The following ZAP70 variants were observed in gnomAD, a reference collection of about 807,000 sequenced individuals.
The protein encoded by ZAP70 is tyrosine-protein kinase ZAP-70.
A neutral mutation model predicts 65.8 loss-of-function variants in ZAP70; 27 were observed. That is an observed-to-expected ratio of 0.41 (90% CI 0.30 to 0.57). The LOEUF is 0.57. ZAP70 is among the 20% of genes least tolerant of loss of function. ZAP70 has a pLI of 0.28. For synonymous variants in ZAP70, 363 were observed against 360.8 expected, an observed-to-expected ratio of 1.01 and a Z score of -0.07; for missense variants, 696 against 870.5, an observed-to-expected ratio of 0.80 and a Z score of 2.52.
the ZAP70 span, among the ~76,000 whole-genome samples, chr2:97,749,363 C>G: frequency 6.6e-6 from 1 of 152,156 alleles, no homozygotes; most frequent in African/African-American, 2.4e-5. Context: ...AGTGCGCTGT[C>G]TGTGTGGGAA....
intron 2 of ZAP70, among the ~76,000 whole-genome samples, chr2:97,721,971 G>A (rs1677179315): frequency 6.6e-6 from 1 of 151,834 alleles, no homozygotes; most frequent in Non-Finnish European, 1.5e-5. Context: ...TTTTAGTAGA[G>A]ACGGGGTTTC....
intron 2 of ZAP70, among the ~76,000 whole-genome samples, chr2:97,718,326 G>A (rs558566982): frequency 1.1e-4 from 16 of 152,284 alleles, no homozygotes; most frequent in East Asian, 1.9e-4. Flanking sequence ...CAGACACTCC[G>A]GCTAGCCGCT....
intron 8 of ZAP70, 40 bp downstream of exon 8, chr2:97,733,635 C>G (rs1677715730): frequency 1.2e-6 from 2 of 1,610,722 alleles, no homozygotes; most frequent in East Asian, 4.5e-5. Flanking sequence ...GGGGCTCATG[C>G]TGAGCCGAGA....
At chr2:97,740,217 C>G (rs566099122), downstream of ZAP70, among the ~76,000 whole-genome samples, 21 of 152,058 alleles carry the variant, frequency 1.4e-4, no homozygotes, top group Non-Finnish European at 2.8e-4. Context: ...TTCACCCCCC[C>G]AGGGGTGCCT....
At chr2:97,750,465 A>T in the ZAP70 span, among the ~76,000 whole-genome samples, 12 of 152,206 alleles carry the variant, frequency 7.9e-5, no homozygotes, top group Non-Finnish European at 1.5e-4. Flanking sequence ...ACCAGAGTTA[A>T]CAGTTTTTTC....
the ZAP70 span, among the ~76,000 whole-genome samples, chr2:97,745,352 A>G: frequency 6.6e-6 from 1 of 152,224 alleles, no homozygotes; most frequent in Non-Finnish European, 1.5e-5. Context: ...AAACCTTTTA[A>G]TTTTTAAATT....
rs1021004001 is a variant in ZAP70, at chr2:97,736,592, G to A, written c.1290-881G>A. 6.6e-6 allele frequency among the ~76,000 whole-genome samples: 1 copy of A among 152,222 alleles called. No homozygotes were observed. The highest frequency in any genetic ancestry group is 1.5e-5 in the Non-Finnish European group (1 of 68,032). On this transcript the variant is annotated intron_variant, in intron 10 of 13. Transcript: ENST00000264972. The surrounding 1 kb of genome is among the most constrained non-coding windows in gnomAD (Gnocchi z 4.0). ...AATCTAGAGCATGTGGGAAGATAGTGTGGTGGGCACAAGCCTGCCGCAGCT... is the reference window on the plus strand; with the variant it reads ...AATCTAGAGCATGTGGGAAGATAGTATGGTGGGCACAAGCCTGCCGCAGCT...
At chr2:97,726,662 G>A (rs1012770809) in intron 4 of ZAP70, among the ~76,000 whole-genome samples, 3 of 152,240 alleles carry the variant, frequency 2.0e-5, no homozygotes, top group African/African-American at 7.2e-5. Context: ...CCAAGATTCT[G>A]TTGTGGGCTG....
At chr2:97,733,390 A>T in intron 7 of ZAP70, 47 bp downstream of exon 7, 1 of 1,590,340 alleles carries the variant, frequency 6.3e-7, no homozygotes, top group South Asian at 1.1e-5. Flanking sequence ...GGAGCTGGGG[A>T]GTGGCTGTGG....
At chr2:97,725,287 T>C (rs1035249780) in intron 4 of ZAP70, 35 bp downstream of exon 4, 1 of 1,605,342 alleles carries the variant, frequency 6.2e-7, no homozygotes, top group Non-Finnish European at 8.5e-7. Flanking sequence ...GCGGTGAGGA[T>C]TGGGGCTCGT....
At chr2:97,727,279 C>T (rs180816405) in intron 4 of ZAP70, among the ~76,000 whole-genome samples, 4 of 152,320 alleles carry the variant, frequency 2.6e-5, no homozygotes, top group South Asian at 2.1e-4. Context: ...AACGGTTGGT[C>T]GTAGGATTGG....
intron 13 of ZAP70, 86 bp downstream of exon 13, chr2:97,738,193 C>T (rs1677991207): frequency 7.7e-7 from 1 of 1,296,270 alleles, no homozygotes; most frequent in African/African-American, 1.5e-5. Context: ...ATAACTCTAC[C>T]CAATGTCATC....
intron 2 of ZAP70, among the ~76,000 whole-genome samples, chr2:97,723,738 G>C: frequency 6.6e-6 from 1 of 152,242 alleles, no homozygotes; most frequent in East Asian, 1.9e-4. Flanking sequence ...ATGAAGAGAT[G>C]GGTACAGGTG....
At chr2:97,738,431 C>T (rs1678001505) in intron 13 of ZAP70, 1 of 409,982 alleles carries the variant, frequency 2.4e-6, no homozygotes, top group Admixed American at 3.6e-5. Context: ...GACACTGACA[C>T]TCAGGGCATG....
At chr2:97,733,097 C>T (rs1288121941) in intron 5 of ZAP70, 28 bp from the exon 6 acceptor site, 16 of 1,613,902 alleles carry the variant, frequency 9.9e-6, no homozygotes, top group African/African-American at 4.0e-5. Flanking sequence ...GGAGAGGAGC[C>T]TCTCTGCTAG....
Position 97,724,370 on chromosome 2 carries a change from C to T in ZAP70, c.334C>T (p.Pro112Ser). Residue 112 changes from proline (P) to serine (S), a missense_variant, in exon 3 of 14, where the codon CCG (proline) becomes TCG (serine). By Grantham distance (74) the Pro-to-Ser change is moderately conservative. Transcript: ENST00000264972. Reference protein sequence around the residue: ...CNRPSGLEPQPGVFDCLRDAM... With the variant: ...CNRPSGLEPQSGVFDCLRDAM... ...CCGGCCGTCGGGCCTCGAGCCGCAG[C>T]CGGGGGTCTTCGACTGCCTGCGAGA... 3.2e-6 allele frequency: 5 copies of T among 1,545,668 alleles called. No individual in the cohort carries two copies. The highest frequency in any genetic ancestry group is 4.4e-6 in the Non-Finnish European group (5 of 1,145,656).
Position 97,724,302 on chromosome 2 carries a change from G to A in ZAP70, c.266G>A (p.Arg89His), listed in dbSNP as rs1332610325. 2.5e-6 allele frequency: 4 copies of A among 1,592,062 alleles called. No individual in the cohort carries two copies. Among genetic ancestry groups the A allele is most frequent in the South Asian group, 1.1e-5 (1 of 90,046 alleles). ...GPAELCEFYS[R>H]DPDGLPCNLR... ...GCAGAGCTCTGCGAGTTCTACTCGCGCGACCCCGACGGGCTGCCCTGCAAC... is the reference window on the plus strand; with the variant it reads ...GCAGAGCTCTGCGAGTTCTACTCGCACGACCCCGACGGGCTGCCCTGCAAC... Residue 89 changes from arginine to histidine, a missense_variant, in exon 3 of 14, where the codon CGC becomes CAC. Transcript: ENST00000264972.
chr2:97,743,146 C>G (rs2104717094), downstream of ZAP70, among the ~76,000 whole-genome samples: 1 of 152,334 alleles, frequency 6.6e-6, no homozygotes, highest in South Asian at 2.1e-4. Flanking sequence ...TCCTCGGAAC[C>G]AAACTCCTGA....
In ZAP70 at chr2:97,727,639, G is replaced by A. The variant is rs532615556; in HGVS notation, c.563+2387G>A. The stretch of plus-strand genomic sequence containing the variant: ...AAGGCTCTAAACCCTTCCTATTGAT[G>A]TAGCTGATTCTTTCCTTCCGTCTCT... On this transcript the variant is annotated intron_variant, in intron 4 of 13. Coordinates refer to ENST00000264972, the MANE Select transcript of ZAP70 (RefSeq NM_001079.4). 2.6e-5 allele frequency among the ~76,000 whole-genome samples: 4 copies of A among 152,310 alleles called. No homozygotes were observed. In the East Asian group the frequency reaches 7.7e-4, roughly 29 times the overall value.
Sources: allele counts gnomAD v4.1 joint callset (sites outside exome capture counted in the v4.1 genomes callset), GRCh38; gene constraint gnomAD v4.1.1; non-coding constraint Gnocchi (gnomAD v3.1); transcripts MANE v1.5; gene names NCBI Gene and HGNC (gene_info 2026-07-23, HGNC 2026-07-21).